KCNIP4: variants seen among roughly 807,000 people sequenced by gnomAD.
The protein encoded by KCNIP4 is potassium voltage-gated channel interacting protein 4.
A neutral mutation model predicts 34.0 loss-of-function variants in KCNIP4; 12 were observed. The ratio of observed to expected loss-of-function variants is 0.35; its 90% confidence interval spans 0.23 to 0.57. KCNIP4 has a LOEUF of 0.57. Ranked by LOEUF, KCNIP4 falls within the 20% of genes least tolerant of loss-of-function variation. The pLI is 0.83. For missense variants in KCNIP4, 238 were observed against 311.7 expected, an observed-to-expected ratio of 0.76 and a Z score of 1.78; for synonymous variants, 124 against 102.2, an observed-to-expected ratio of 1.21 and a Z score of -1.29.
intron 1 of KCNIP4, among the ~76,000 whole-genome samples, chr4:21,942,810 T>G (rs1165126373): frequency 6.6e-6 from 1 of 152,012 alleles, no homozygotes; most frequent in Non-Finnish European, 1.5e-5. Context: ...CAGGCAGGAG[T>G]GCAATGGTGC....
intron 1 of KCNIP4, among the ~76,000 whole-genome samples, chr4:21,550,224 G>A (rs1222506567): frequency 6.6e-6 from 1 of 152,086 alleles, no homozygotes; most frequent in Non-Finnish European, 1.5e-5. Context: ...GCTGGAGAAT[G>A]CCCATAAACT....
intron 1 of KCNIP4, among the ~76,000 whole-genome samples, chr4:21,747,507 G>C (rs143707061): frequency 1.3e-5 from 2 of 152,132 alleles, no homozygotes; most frequent in African/African-American, 4.8e-5. Context: ...AGGTTATAGA[G>C]TACTGTGCCA....
chr4:21,053,120 C>T (rs1253441906), intron 1 of KCNIP4, among the ~76,000 whole-genome samples: 1 of 151,980 alleles, frequency 6.6e-6, no homozygotes, highest in Non-Finnish European at 1.5e-5. Flanking sequence ...AAAGGGACCA[C>T]ACAGATAAAT....
chr4:20,792,578 A>G (rs1484056663), intron 3 of KCNIP4, among the ~76,000 whole-genome samples: 2 of 152,192 alleles, frequency 1.3e-5, no homozygotes, highest in Non-Finnish European at 2.9e-5. Context: ...AAATATGTTA[A>G]AAGGCTGAAA....
intron 1 of KCNIP4, among the ~76,000 whole-genome samples, chr4:21,570,472 G>T (rs1740277087): frequency 6.6e-6 from 1 of 152,128 alleles, no homozygotes; most frequent in African/African-American, 2.4e-5. Context: ...ATAGCTGTTT[G>T]TAGACTATTT....
rs1560732960 is a variant in KCNIP4 at position 21,112,054 on chromosome 4, T to TATCTATCTATCC, written c.62-229346_62-229345insGGATAGATAGAT. Among the ~76,000 whole-genome samples, 23 of 152,170 alleles carry TATCTATCTATCC rather than the reference T, an allele frequency of 1.5e-4. No homozygotes were observed. The East Asian group carries it at 2.3e-3, about 15-fold the overall frequency. Reference sequence around the variant, plus strand: ...CTATCTATCTATCTATCTATCTATCTATCTATCTATCTATCTATCATCTAT... The same window carrying TATCTATCTATCC: ...CTATCTATCTATCTATCTATCTATCTATCTATCTATCCATCTATCTATCTATCTATCATCTAT... On this transcript the variant is annotated intron_variant, in intron 1 of 8. Transcript: ENST00000382152.
At chr4:20,810,595 C>A (rs894032172) in intron 3 of KCNIP4, among the ~76,000 whole-genome samples, 1 of 152,036 alleles carries the variant, frequency 6.6e-6, no homozygotes, top group Non-Finnish European at 1.5e-5. Context: ...TAACAATCAG[C>A]TTTAGTCTTC....
chr4:20,915,168 A>G (rs1262715933), intron 1 of KCNIP4, among the ~76,000 whole-genome samples: 3 of 152,200 alleles, frequency 2.0e-5, no homozygotes, highest in South Asian at 2.1e-4. Flanking sequence ...TATTCTCTAC[A>G]TGAACATTTC....
chr4:21,850,682 A>G (rs1337664747), intron 1 of KCNIP4: 2 of 152,162 alleles, frequency 1.3e-5, no homozygotes. Context: ...TTTCAATTAC[A>G]TGATTTTTTT....
chr4:21,345,134 C>T (rs562015113), intron 1 of KCNIP4, among the ~76,000 whole-genome samples: 22 of 152,098 alleles, frequency 1.4e-4, no homozygotes, highest in Non-Finnish European at 3.2e-4. Flanking sequence ...AAGACTGTGG[C>T]TTCTGTCTTG....
Position 21,291,935 on chromosome 4 carries a change from G to GAAA in KCNIP4, c.62-409229_62-409227dup, listed in dbSNP as rs1202086938. Among the ~76,000 whole-genome samples the GAAA allele has an allele frequency of 2.3e-4, 17 of 74,220 alleles. 1 individual carries two copies. Among genetic ancestry groups the GAAA allele is most frequent in the African/African-American group, 1.6e-3 (17 of 10,562 alleles). The allele number at this position is 74,220 out of a possible 152,430, so 48.7% of individuals were successfully genotyped here. A position where few individuals can be genotyped will look rare whatever the true frequency, so the allele number is the denominator to read the frequency against. On this transcript the variant is annotated intron_variant, in intron 1 of 8. Coordinates refer to ENST00000382152, the MANE Select transcript of KCNIP4 (RefSeq NM_025221.6). ...AGAAAGAAAGAAAGAAAGAAAGAAA[G>GAAA]AAAAAAAAAGAAAAAAGTCTGATGA... is the stretch of plus-strand genomic sequence containing the variant.
chr4:20,980,872 A>G lies in KCNIP4; in HGVS notation c.62-98163T>C, dbSNP rs137910982. Among the ~76,000 whole-genome samples, 32 of 152,112 alleles carry G rather than the reference A, an allele frequency of 2.1e-4. No homozygotes were observed. The South Asian group carries it at 2.9e-3, about 14-fold the overall frequency. ...TGGGTCATATTTTCTAGGTGGTGCA[A>G]TCTTAGTGAAGAGTTTAGCAATTTG... On this transcript the variant is annotated intron_variant, in intron 1 of 8. Coordinates refer to ENST00000382152, the MANE Select transcript of KCNIP4 (RefSeq NM_025221.6).
chr4:21,064,410 A>T (rs181545913), intron 1 of KCNIP4, among the ~76,000 whole-genome samples: 52 of 152,246 alleles, frequency 3.4e-4, no homozygotes, highest in Non-Finnish European at 5.3e-4. Flanking sequence ...ACAGGAAAAA[A>T]AAAAAAAGAA....
At chr4:21,472,903 C>T (rs937660107) in intron 1 of KCNIP4, among the ~76,000 whole-genome samples, 1 of 152,118 alleles carries the variant, frequency 6.6e-6, no homozygotes, top group African/African-American at 2.4e-5. Flanking sequence ...GTGCCTGGCT[C>T]ATAGCTAGCA....
At chr4:20,890,311 G>T (rs79280855) in intron 1 of KCNIP4, among the ~76,000 whole-genome samples, 2 of 152,120 alleles carry the variant, frequency 1.3e-5, no homozygotes, top group Admixed American at 6.6e-5. Flanking sequence ...GAGGGATGGG[G>T]CCTAGAGACT....
chr4:20,793,190 GGATA>G lies in KCNIP4; in HGVS notation c.289-34304_289-34301del, dbSNP rs1578631499. Among the ~76,000 whole-genome samples, 3 of 152,060 alleles carry G rather than the reference GGATA, an allele frequency of 2.0e-5. No homozygotes were observed. The South Asian group carries it at 6.2e-4, about 32-fold the overall frequency. ...CCTAAATGTCCATTTACAGGTGAAT[GGATA>G]AACAAATTGTTGTATATACCTATAA... On this transcript the variant is annotated intron_variant, in intron 3 of 8. Coordinates refer to ENST00000382152, the MANE Select transcript of KCNIP4 (RefSeq NM_025221.6).
At chr4:21,175,160 G>A (rs1754312832) in intron 1 of KCNIP4, among the ~76,000 whole-genome samples, 1 of 151,412 alleles carries the variant, frequency 6.6e-6, no homozygotes, top group South Asian at 2.1e-4. Flanking sequence ...CTCTGCAATT[G>A]TAAATTATTT....
At chr4:21,133,953 C>T (rs1751298470) in intron 1 of KCNIP4, among the ~76,000 whole-genome samples, 1 of 152,154 alleles carries the variant, frequency 6.6e-6, no homozygotes, top group Non-Finnish European at 1.5e-5. Context: ...TTTCGACTTC[C>T]CTTCTGCCCT....
chr4:21,000,504 G>A (rs377290431), intron 1 of KCNIP4, among the ~76,000 whole-genome samples: 4 of 152,032 alleles, frequency 2.6e-5, no homozygotes, highest in African/African-American at 9.7e-5. Flanking sequence ...GGCCAACATG[G>A]TGGAACCCTG....
Sources: allele counts gnomAD v4.1 joint callset (sites outside exome capture counted in the v4.1 genomes callset), GRCh38; gene constraint gnomAD v4.1.1; transcripts MANE v1.5; gene names NCBI Gene and HGNC (gene_info 2026-07-23, HGNC 2026-07-21).